ERP44: variants seen among roughly 807,000 people sequenced by gnomAD.
The protein encoded by ERP44 is endoplasmic reticulum protein 44, also known as endoplasmic reticulum resident protein 44.
In ERP44, 25 loss-of-function variants were observed where a neutral mutation model predicts 53.4. The ratio of observed to expected loss-of-function variants is 0.47; its 90% CI spans 0.34 to 0.65. The LOEUF (loss-of-function observed/expected upper bound fraction) is 0.65, where lower values mean the gene tolerates loss of function less well. Among genes scored for constraint, ERP44 ranks in the 30% least tolerant of loss-of-function variants. The probability of loss-of-function intolerance (pLI) is 0.01; values close to 1 mark genes in which losing one functional copy is unlikely to be tolerated. For missense variants in ERP44, 338 were observed against 493.2 expected (o/e 0.69, Z 2.98); for synonymous variants, 145 against 161.2 (o/e 0.90, Z 0.76).
chr9:100,091,728 G>C (rs1013901232), intron 1 of ERP44, among the ~76,000 whole-genome samples: 1 of 152,124 alleles, frequency 6.6e-6, no homozygotes, highest in Non-Finnish European at 1.5e-5. Context: ...GAAATAATTT[G>C]TTTCTTCCAA....
At chr9:100,046,321 C>A (rs1236019179) in intron 4 of ERP44, among the ~76,000 whole-genome samples, 4 of 151,818 alleles carry the variant, frequency 2.6e-5, no homozygotes, top group Non-Finnish European at 5.9e-5. Context: ...TACTCTAGAA[C>A]AACAACAACA....
At chr9:99,986,609 T>G (rs1409751909) in intron 10 of ERP44, among the ~76,000 whole-genome samples, 2 of 152,286 alleles carry the variant, frequency 1.3e-5, no homozygotes, top group East Asian at 3.9e-4. Context: ...TTATCCTCTC[T>G]TGAGGTCCCG....
intron 1 of ERP44, among the ~76,000 whole-genome samples, chr9:100,085,189 G>A (rs1323589261): frequency 6.6e-6 from 1 of 152,166 alleles, no homozygotes; most frequent in Non-Finnish European, 1.5e-5. Context: ...TATCGTTGTA[G>A]AATGGAAAAT....
Position 100,098,998 on chromosome 9 carries a change from C to T in ERP44, c.-158G>A. ...TCTCGACCCGGGCTCCAGCGGCGAA[C>T]ACCCGGGACAACTTCCAGAGAGGCC... On this transcript the variant is annotated 5_prime_UTR_variant, in exon 1 of 12. Transcript: ENST00000262455. The T allele has an allele frequency of 1.6e-6, 1 of 610,714 alleles. No homozygotes were observed. The highest frequency in any genetic ancestry group is 2.9e-6 in the Non-Finnish European group (1 of 341,306). The allele number at this position is 610,714 out of a possible 1,614,324, so 37.8% of individuals were successfully genotyped here. A position where few individuals can be genotyped will look rare whatever the true frequency, so the allele number is the denominator to read the frequency against.
Position 100,098,729 on chromosome 9 carries a change from G to C in ERP44, c.57+55C>G. Reference sequence around the variant, plus strand: ...AGGAGTAGCAGTGTTCCCCCTGGGCGAGGGCCGGAGGCCGTTCGTGCGTTT... The same window carrying C: ...AGGAGTAGCAGTGTTCCCCCTGGGCCAGGGCCGGAGGCCGTTCGTGCGTTT... On this transcript the variant is annotated intron_variant, in intron 1 of 11. Transcript: ENST00000262455. 3 of 1,457,196 alleles carry C rather than the reference G, an allele frequency of 2.1e-6. No homozygotes were observed. In the South Asian group the frequency reaches 3.4e-5, roughly 17 times the overall value. The allele number at this position is 1,457,196 out of a possible 1,614,324, so 90.3% of individuals were successfully genotyped here.
intron 8 of ERP44, among the ~76,000 whole-genome samples, chr9:100,014,234 T>G (rs1260700768): frequency 6.6e-6 from 1 of 152,156 alleles, no homozygotes; most frequent in East Asian, 1.9e-4. Flanking sequence ...ACTTGCTGCC[T>G]GATTCTGTTA....
At chr9:100,086,369 C>G (rs768138205) in intron 1 of ERP44, among the ~76,000 whole-genome samples, 6 of 152,172 alleles carry the variant, frequency 3.9e-5, no homozygotes, top group Non-Finnish European at 8.8e-5. Context: ...CCACTAATAT[C>G]TAGACTTGAC....
Position 99,979,594 on chromosome 9 carries a change from ATCCTTTTATGG to A in ERP44, c.*3007_*3017del, listed in dbSNP as rs1830125660. The stretch of plus-strand genomic sequence containing the variant: ...TGTAGAATGTCATCTAAAAGTTTCC[ATCCTTTTATGG>A]TCCCCCTCACAATTTGAAAAACTCG... On this transcript the variant is annotated 3_prime_UTR_variant, in exon 12 of 12. Coordinates refer to ENST00000262455, the MANE Select transcript of ERP44 (RefSeq NM_015051.3). 1 of 201,896 alleles carries A rather than the reference ATCCTTTTATGG, an allele frequency of 5.0e-6. No homozygotes were observed. The highest frequency in any genetic ancestry group is 2.3e-5 in the African/African-American group (1 of 43,566). The allele number at this position is 201,896 out of a possible 1,614,324, so 12.5% of individuals were successfully genotyped here.
chr9:100,087,677 T>C (rs559573869), intron 1 of ERP44, among the ~76,000 whole-genome samples: 4 of 152,340 alleles, frequency 2.6e-5, no homozygotes, highest in South Asian at 2.1e-4. Flanking sequence ...ATGGTCAAGC[T>C]AGGAGTTATT....
chr9:100,068,771 C>A (rs1289126485), intron 1 of ERP44, among the ~76,000 whole-genome samples: 1 of 152,082 alleles, frequency 6.6e-6, no homozygotes, highest in Admixed American at 6.5e-5. Flanking sequence ...GCCCGGCCAG[C>A]CGCCCCGTCT....
intron 10 of ERP44, among the ~76,000 whole-genome samples, chr9:99,988,549 A>G (rs1230052890): frequency 6.6e-6 from 1 of 152,176 alleles, no homozygotes; most frequent in Non-Finnish European, 1.5e-5. Context: ...AAAATCTATT[A>G]CTGGGATTAC....
chr9:100,070,576 A>G (rs1343589444), intron 1 of ERP44, among the ~76,000 whole-genome samples: 1 of 152,250 alleles, frequency 6.6e-6, no homozygotes, highest in Non-Finnish European at 1.5e-5. Flanking sequence ...CCACACTGTT[A>G]CTGAACAATC....
intron 3 of ERP44, 72 bp downstream of exon 3, chr9:100,057,748 C>A: frequency 8.8e-7 from 1 of 1,138,770 alleles, no homozygotes; most frequent in South Asian, 1.3e-5. Context: ...CTTCCCTTCC[C>A]CTTTCTAGCA....
In ERP44 at chr9:100,077,057, C is replaced by G. The variant is rs556589712; in HGVS notation, c.58-16885G>C. 6.6e-5 allele frequency among the ~76,000 whole-genome samples: 10 copies of G among 152,336 alleles called. No homozygotes were observed. In the East Asian group the frequency reaches 1.9e-3, roughly 29 times the overall value. On this transcript the variant is annotated intron_variant, in intron 1 of 11. Transcript: ENST00000262455. ...ACCTTTCCTCAGGGTGATCAGCCAG[C>G]TACCTGGTGGCAGGTTGATTATACT...
chr9:100,083,677 T>C (rs1490808320), intron 1 of ERP44, among the ~76,000 whole-genome samples: 5 of 152,158 alleles, frequency 3.3e-5, no homozygotes, highest in African/African-American at 9.6e-5. Context: ...CATGGGAAAT[T>C]TGGAAATCGT....
At chr9:100,067,366 T>C (rs1044857688) in intron 1 of ERP44, among the ~76,000 whole-genome samples, 3 of 103,456 alleles carry the variant, frequency 2.9e-5, no homozygotes, top group African/African-American at 2.1e-4. Context: ...GGTTTTCGTA[T>C]TTTTTTGGTG....
intron 10 of ERP44, among the ~76,000 whole-genome samples, chr9:99,987,605 T>C (rs1053837821): frequency 2.6e-5 from 4 of 152,232 alleles, no homozygotes; most frequent in Non-Finnish European, 5.9e-5. Flanking sequence ...TTATGAGTTT[T>C]AACATGTGCA....
intron 4 of ERP44, among the ~76,000 whole-genome samples, chr9:100,043,291 A>AAAAAAAAAGAAAAAAAAAAAAAG (rs1168903331): frequency 1.3e-5 from 1 of 74,878 alleles, no homozygotes; most frequent in Non-Finnish European, 2.3e-5. Context: ...AAAAAAAAAA[A>AAAAAAAAAGAAAAAAAAAAAAAG]GATAAATAAG....
At chr9:100,069,413 A>G (rs1346673718) in intron 1 of ERP44, among the ~76,000 whole-genome samples, 1 of 152,098 alleles carries the variant, frequency 6.6e-6, no homozygotes, top group African/African-American at 2.4e-5. Context: ...TTCTTAGAAT[A>G]CTCTACAAAA....
Sources: gnomAD v4.1 joint callset for allele counts (sites outside exome capture counted in the v4.1 genomes callset) on GRCh38, gnomAD v4.1.1 for gene constraint, MANE v1.5 for transcripts, NCBI Gene and HGNC (gene_info 2026-07-23, HGNC 2026-07-21) for gene names.